GOLGA3: variants seen among roughly 807,000 people sequenced by gnomAD.
GOLGA3 encodes golgin A3, also known as golgin subfamily A member 3.
Under a neutral mutation model 169.4 loss-of-function variants are expected in GOLGA3, and 75 were observed. The observed-to-expected ratio is 0.44, with a 90% CI of 0.37 to 0.54. The LOEUF is 0.54. Ranked by LOEUF, GOLGA3 falls within the 20% of genes least tolerant of loss-of-function variation. The probability of loss-of-function intolerance (pLI) is 0.00; values close to 1 mark genes in which losing one functional copy is unlikely to be tolerated. For synonymous variants in GOLGA3, 824 were observed against 822.4 expected, an observed-to-expected ratio of 1.00 and a Z score of -0.03; for missense variants, 1,899 against 1,930.0, an observed-to-expected ratio of 0.98 and a Z score of 0.30.
chr12:132,810,141 G>C (rs1949629594), intron 4 of GOLGA3, among the ~76,000 whole-genome samples: 1 of 152,116 alleles, frequency 6.6e-6, no homozygotes, highest in Admixed American at 6.6e-5. Context: ...TCAGCTACTT[G>C]GGAGGATGAG....
At position 132,791,383 on chromosome 12, in the gene GOLGA3, G is replaced by A. The variant is rs553715702; in HGVS notation, c.2470-90C>T. Reference sequence around the variant, plus strand: ...TGTTACACTGAAGCCTCCAGGAGGGGAACACATCTGCACAAATGTTACAGA... The same window carrying A: ...TGTTACACTGAAGCCTCCAGGAGGGAAACACATCTGCACAAATGTTACAGA... On this transcript the variant is annotated intron_variant, in intron 11 of 23. Transcript: ENST00000450791. 101 of 686,594 alleles carry A rather than the reference G, an allele frequency of 1.5e-4. 1 individual carries two copies. In the East Asian group the frequency reaches 1.8e-3, roughly 12 times the overall value. 42.5% of individuals were successfully genotyped at this position (686,594 alleles called of 1,614,324 possible).
At chr12:132,776,381 A>G (rs12319400) in intron 21 of GOLGA3, among the ~76,000 whole-genome samples, 1 of 70,804 alleles carries the variant, frequency 1.4e-5, no homozygotes, top group African/African-American at 7.7e-5. Flanking sequence ...CTGTACCCAG[A>G]GCCTCACACA....
intron 9 of GOLGA3, 118 bp downstream of exon 9, chr12:132,798,222 C>T: frequency 3.0e-6 from 3 of 989,288 alleles, no homozygotes; most frequent in Non-Finnish European, 4.3e-6. Context: ...CACTGCCCGC[C>T]ATCCATGAGA....
At position 132,786,388 on chromosome 12, in the gene GOLGA3, C is replaced by T; in HGVS notation, c.3074G>A (p.Gly1025Asp). Residue 1025 changes from glycine (G) to aspartate (D), a missense_variant, in exon 15 of 24, where the codon GGC (glycine) becomes GAC (aspartate). Gly to Asp is a moderately conservative substitution (Grantham distance 94). Coordinates refer to ENST00000450791, the MANE Select transcript of GOLGA3 (RefSeq NM_001389683.1). ...AAKEAADAEL[G>D]QLRAQGGSSD... ...GCTGCCACCCTGGGCTCGGAGCTGG[C>T]CCAGCTCCGCGTCCGCAGCCTCCTT... 6.2e-7 allele frequency: 1 copy of T among 1,611,664 alleles called. No homozygotes were observed. Among genetic ancestry groups the T allele is most frequent in the Admixed American group, 1.7e-5 (1 of 59,876 alleles).
At chr12:132,801,732 C>T (rs372380229) in intron 8 of GOLGA3, 35 bp downstream of exon 8, 49 of 1,573,126 alleles carry the variant, frequency 3.1e-5, no homozygotes, top group Middle Eastern at 1.7e-4. Context: ...AGACAAGAAG[C>T]GTGACCTGCC....
intron 4 of GOLGA3, among the ~76,000 whole-genome samples, chr12:132,812,392 A>G (rs1476543465): frequency 6.6e-6 from 1 of 152,122 alleles, no homozygotes; most frequent in African/African-American, 2.4e-5. Context: ...TACTTAAGAA[A>G]TACCTTCTGT....
At chr12:132,824,483 C>T (rs1191069222) in intron 1 of GOLGA3, among the ~76,000 whole-genome samples, 7 of 152,290 alleles carry the variant, frequency 4.6e-5, no homozygotes, top group Admixed American at 1.3e-4. Flanking sequence ...AGAAATGTGT[C>T]CTAACATTAG....
intron 11 of GOLGA3, among the ~76,000 whole-genome samples, chr12:132,794,583 C>T (rs563257838): frequency 6.6e-6 from 1 of 152,298 alleles, no homozygotes; most frequent in African/African-American, 2.4e-5. Flanking sequence ...AAATAACTGC[C>T]AGTAATGACA....
chr12:132,786,953 ACT>A (rs1201752937), intron 13 of GOLGA3, among the ~76,000 whole-genome samples, 166 bp from the exon 14 acceptor site: 1 of 134,510 alleles, frequency 7.4e-6, no homozygotes, highest in Non-Finnish European at 1.6e-5. Flanking sequence ...CTTACAAACC[ACT>A]CTTTTTTTTT....
rs773817501 is a variant in GOLGA3 at position 132,775,260 on chromosome 12, T to C, written c.4024A>G (p.Thr1342Ala). The C allele has an allele frequency of 1.9e-6, 3 of 1,614,028 alleles. No homozygotes were observed. Among genetic ancestry groups the C allele is most frequent in the Non-Finnish European group, 2.5e-6 (3 of 1,179,882 alleles). The change falls in exon 22 of 24, where the codon ACC (threonine) becomes GCC (alanine). Residue 1342 changes from threonine to alanine, a missense_variant. Thr to Ala is a moderately conservative substitution (Grantham distance 58, BLOSUM62 0). Coordinates refer to ENST00000450791, the MANE Select transcript of GOLGA3 (RefSeq NM_001389683.1). ...LEMAQEDLSM[T>A]QKDKFMLQAK... Reference sequence around the variant, plus strand: ...TGGAGCATAAATTTATCCTTCTGGGTCATGGACAGGTCTTCCTGGGCCATC... The same window carrying C: ...TGGAGCATAAATTTATCCTTCTGGGCCATGGACAGGTCTTCCTGGGCCATC...
chr12:132,814,016 G>A (rs1176181855), intron 3 of GOLGA3, among the ~76,000 whole-genome samples: 1 of 137,250 alleles, frequency 7.3e-6, no homozygotes, highest in Non-Finnish European at 1.5e-5. Flanking sequence ...GAGCCACCGC[G>A]CCCGGCCTTT....
In GOLGA3 at chr12:132,821,611, GGCT is replaced by G. The variant is rs1403963893; in HGVS notation, c.133+382_133+384del. 3.0e-4 allele frequency among the ~76,000 whole-genome samples: 46 copies of G among 152,104 alleles called. 1 individual carries two copies. The South Asian group carries it at 3.1e-3, about 10-fold the overall frequency. ...CACACCTGTAATCCCAGCACTTTGAGGCTGAGGCTGAGGCGGGCGGATCACGAA... is the reference window on the plus strand; with the variant it reads ...CACACCTGTAATCCCAGCACTTTGAGGAGGCTGAGGCGGGCGGATCACGAA... On this transcript the variant is annotated intron_variant, in intron 2 of 23. Transcript: ENST00000450791.
rs773885958 is a variant in GOLGA3, at chr12:132,795,912, G to A, written c.2409C>T (p.Thr803=). The change falls in exon 11 of 24, where the codon ACC becomes ACT. Residue 803 remains threonine, a synonymous_variant. Transcript: ENST00000450791. ...DRGARRLEEG[T]EETSETLEKL... ...TCTCTAAAGTTTCCGACGTTTCCTC[G>A]GTACCTTCTTCCAAGCGTCTTGCTC... 1.3e-5 allele frequency: 21 copies of A among 1,613,874 alleles called. 1 individual carries two copies. The highest frequency in any genetic ancestry group is 8.3e-5 in the Admixed American group (5 of 59,994).
intron 1 of GOLGA3, chr12:132,828,573 C>G (rs1950520731): frequency 6.6e-6 from 1 of 152,428 alleles, no homozygotes; most frequent in East Asian, 1.9e-4. Flanking sequence ...GGAGGGCTCG[C>G]GGGCACCGGC....
chr12:132,812,752 A>G (rs904088205), intron 4 of GOLGA3, among the ~76,000 whole-genome samples: 3 of 152,238 alleles, frequency 2.0e-5, no homozygotes, highest in Non-Finnish European at 4.4e-5. Flanking sequence ...CGCATGTTAC[A>G]GAGACATCTT....
chr12:132,824,555 T>G (rs1483486296), intron 1 of GOLGA3, among the ~76,000 whole-genome samples: 1 of 152,184 alleles, frequency 6.6e-6, no homozygotes, highest in Non-Finnish European at 1.5e-5. Context: ...CTAGATGTCT[T>G]GACTCAGGGT....
rs912402994 is a variant in GOLGA3 at position 132,804,445 on chromosome 12, T to C, written c.1597+271A>G. ...AAGCAGCCTCCTTATGTGTAAACTA[T>C]AAACCAATGCAACCCTCACAGGCAC... On this transcript the variant is annotated intron_variant, in intron 7 of 23. Coordinates refer to ENST00000450791, the MANE Select transcript of GOLGA3 (RefSeq NM_001389683.1). This position sits in a 1 kb window ranked among gnomAD's most constrained non-coding sequence, Gnocchi z 4.1. Among the ~76,000 whole-genome samples the C allele has an allele frequency of 2.6e-5, 4 of 152,298 alleles. No individual in the cohort carries two copies. The highest frequency in any genetic ancestry group is 5.9e-5 in the Non-Finnish European group (4 of 68,022).
intron 2 of GOLGA3, among the ~76,000 whole-genome samples, chr12:132,820,002 A>G (rs1950143528): frequency 6.6e-6 from 1 of 152,034 alleles, no homozygotes; most frequent in Non-Finnish European, 1.5e-5. Context: ...CAACATGGAA[A>G]CTCCATCTCT....
chr12:132,789,237 A>G lies in GOLGA3; in HGVS notation c.2601T>C (p.Ser867=). The G allele has an allele frequency of 1.9e-6, 3 of 1,608,708 alleles. No homozygotes were observed. Among genetic ancestry groups the G allele is most frequent in the Non-Finnish European group, 2.5e-6 (3 of 1,179,940 alleles). ...GCCTCTTCCTGGTGGCTTTCAGCTCACTGATGAGCTGGTCTTTGGAGGTGG... is the reference window on the plus strand; with the variant it reads ...GCCTCTTCCTGGTGGCTTTCAGCTCGCTGATGAGCTGGTCTTTGGAGGTGG... ...RDATSKDQLI[S]ELKATRKRLD... is the part of the protein sequence containing the mutation. Residue 867 remains serine (S), a synonymous_variant, in exon 13 of 24, where the codon AGT becomes AGC. Transcript: ENST00000450791.
Sources: gnomAD v4.1 joint callset for allele counts (sites outside exome capture counted in the v4.1 genomes callset) on GRCh38, gnomAD v4.1.1 for gene constraint, Gnocchi (gnomAD v3.1) non-coding constraint, MANE v1.5 for transcripts, NCBI Gene and HGNC (gene_info 2026-07-23, HGNC 2026-07-21) for gene names.